TNRC6B: variants seen among roughly 807,000 people sequenced by gnomAD.
TNRC6B encodes the protein trinucleotide repeat containing adaptor 6B, also known as trinucleotide repeat-containing gene 6B protein.
In TNRC6B, 52 loss-of-function variants were observed where a neutral mutation model predicts 203.6. The ratio of observed to expected loss-of-function variants is 0.26; its 90% CI spans 0.20 to 0.32. The LOEUF (loss-of-function observed/expected upper bound fraction) is 0.32. Ranked by LOEUF, TNRC6B falls within the 10% of genes least tolerant of loss-of-function variation. TNRC6B has a pLI of 1.00. For missense variants in TNRC6B, 1,923 were observed against 2,286.2 expected, an observed-to-expected ratio of 0.84 and a Z score of 3.24; for synonymous variants, 838 against 845.7, an observed-to-expected ratio of 0.99 and a Z score of 0.16.
chr22:40,096,384 G>T lies in TNRC6B; in HGVS notation c.-120-20671G>T, dbSNP rs554239964. On this transcript the variant is annotated intron_variant, in intron 1 of 23. Transcript: ENST00000301923. ...CCACATAGCGTTACCTCTTTTAGAA[G>T]CATCTACATTTCCTGCAGAGATAGG... Among the ~76,000 whole-genome samples, 5 of 152,318 alleles carry T rather than the reference G, an allele frequency of 3.3e-5. No individual in the cohort carries two copies. The South Asian group carries it at 1.0e-3, about 32-fold the overall frequency.
chr22:40,308,292 C>A (rs181786290), intron 15 of TNRC6B, among the ~76,000 whole-genome samples: 1 of 152,292 alleles, frequency 6.6e-6, no homozygotes, highest in Non-Finnish European at 1.5e-5. Flanking sequence ...CAGACCTGAT[C>A]GATGGCAGTC....
chr22:40,241,843 A>G (rs1250777109), intron 1 of TNRC6B, among the ~76,000 whole-genome samples: 1 of 152,072 alleles, frequency 6.6e-6, no homozygotes, highest in African/African-American at 2.4e-5. Context: ...GTGTTTTCCT[A>G]TTTTATACAA....
intron 1 of TNRC6B, among the ~76,000 whole-genome samples, chr22:40,097,534 C>T (rs1475592481): frequency 1.3e-5 from 2 of 151,962 alleles, no homozygotes; most frequent in African/African-American, 2.4e-5. Flanking sequence ...GTCTTGAACT[C>T]CTGGACTCAA....
intron 1 of TNRC6B, among the ~76,000 whole-genome samples, chr22:40,092,232 A>T (rs1055654416): frequency 8.6e-5 from 13 of 151,942 alleles, no homozygotes; most frequent in African/African-American, 3.1e-4. Flanking sequence ...GAGAAACCCC[A>T]TCTCTACTAA....
At position 40,177,978 on chromosome 22, in the gene TNRC6B, G is replaced by T; in HGVS notation, c.-158G>T. The T allele has an allele frequency of 6.7e-7, 1 of 1,484,316 alleles. No individual in the cohort carries two copies. The highest frequency in any genetic ancestry group is 8.9e-7 in the Non-Finnish European group (1 of 1,125,016). 91.9% of individuals were successfully genotyped at this position (1,484,316 alleles called of 1,614,324 possible). On this transcript the variant is annotated 5_prime_UTR_variant, in exon 1 of 23. Transcript: ENST00000454349. ...AGGGAGAGTGTGTGAGAGAGAGTTA[G>T]TTCAAGCCAAAATGGCCGACAGAGT...
chr22:40,103,057 CAG>C (rs2068253296), intron 1 of TNRC6B, among the ~76,000 whole-genome samples: 1 of 151,280 alleles, frequency 6.6e-6, no homozygotes. Flanking sequence ...AGCCTGGGGA[CAG>C]AGTGAGAGTC....
At chr22:40,312,208 TTTCCCTGCC>T (rs889751692) in intron 17 of TNRC6B, among the ~76,000 whole-genome samples, 135 of 152,368 alleles carry the variant, frequency 8.9e-4, no homozygotes, top group African/African-American at 3.1e-3. Flanking sequence ...TTACTCCTGC[TTTCCCTGCC>T]TTCAGCCCTG....
chr22:40,322,988 A>G lies in TNRC6B; in HGVS notation c.5249A>G (p.Glu1750Gly), dbSNP rs758270428. The change falls in exon 23 of 23, where the codon GAG becomes GGG. Residue 1750 changes from glutamate (E) to glycine (G), a missense_variant. Glu to Gly is a moderately conservative substitution (Grantham distance 98). Around this residue, in one of 8 missense-constraint regions of TNRC6B, gnomAD observed 126 missense variants for 137.5 expected, o/e 0.92. Coordinates refer to ENST00000454349, the MANE Select transcript of TNRC6B (RefSeq NM_001162501.2). ...CCAGCTGCGGGGTGGCAGTCGCTGGAGACCGGCCAGAACCAGTCAGATCCC... is the reference window on the plus strand; with the variant it reads ...CCAGCTGCGGGGTGGCAGTCGCTGGGGACCGGCCAGAACCAGTCAGATCCC... ...SAPAAGWQSL[E>G]TGQNQSDPVG... 5 of 1,610,234 alleles carry G rather than the reference A, an allele frequency of 3.1e-6. No homozygotes were observed. In the African/African-American group the frequency reaches 5.3e-5, roughly 17 times the overall value.
At chr22:40,153,558 AAAC>A (rs974967850) in intron 3 of TNRC6B, among the ~76,000 whole-genome samples, 24 of 151,708 alleles carry the variant, frequency 1.6e-4, no homozygotes, top group Admixed American at 3.9e-4. Flanking sequence ...AGAAAAAAAA[AAAC>A]AAAAAGAATA....
chr22:40,232,338 G>T (rs1461720849), intron 1 of TNRC6B, among the ~76,000 whole-genome samples: 2 of 152,212 alleles, frequency 1.3e-5, no homozygotes, highest in Admixed American at 1.3e-4. Context: ...GTGGTAAGGG[G>T]ATAGAAAACC....
At chr22:40,283,263 C>A in intron 11 of TNRC6B, among the ~76,000 whole-genome samples, 1 of 152,174 alleles carries the variant, frequency 6.6e-6, no homozygotes, top group East Asian at 1.9e-4. Flanking sequence ...TGGTCTCAAT[C>A]TCCTGACCTC....
chr22:40,222,545 C>A (rs1336401569), intron 1 of TNRC6B, among the ~76,000 whole-genome samples: 1 of 152,052 alleles, frequency 6.6e-6, no homozygotes, highest in Non-Finnish European at 1.5e-5. Context: ...CAGTCTTGAC[C>A]ACTCGTTTGA....
chr22:40,204,726 G>A (rs1319214878), intron 1 of TNRC6B, among the ~76,000 whole-genome samples: 1 of 152,196 alleles, frequency 6.6e-6, no homozygotes, highest in Non-Finnish European at 1.5e-5. Flanking sequence ...GCTGCCTGCG[G>A]CTACTAAGAA....
intron 3 of TNRC6B, among the ~76,000 whole-genome samples, chr22:40,152,312 A>T (rs1010915424): frequency 9.1e-4 from 139 of 152,184 alleles, no homozygotes; most frequent in African/African-American, 3.3e-3. Flanking sequence ...AAGTTTACTG[A>T]CTTCAACGTT....
chr22:40,054,153 TTG>T (rs2067773406), intron 1 of TNRC6B, among the ~76,000 whole-genome samples: 1 of 152,092 alleles, frequency 6.6e-6, no homozygotes, highest in African/African-American at 2.4e-5. Flanking sequence ...GAGGCAGAGG[TTG>T]CAGTCAGCCG....
intron 1 of TNRC6B, among the ~76,000 whole-genome samples, chr22:40,234,310 G>T (rs1301692563): frequency 2.6e-5 from 4 of 151,870 alleles, no homozygotes; most frequent in African/African-American, 7.3e-5. Flanking sequence ...CTTCACTAAG[G>T]TTATACTGTA....
intron 4 of TNRC6B, among the ~76,000 whole-genome samples, chr22:40,157,833 C>G (rs1428955466): frequency 1.3e-5 from 2 of 152,172 alleles, no homozygotes; most frequent in Non-Finnish European, 2.9e-5. Context: ...ATGTTTTACT[C>G]TGTCATTTCC....
intron 4 of TNRC6B, among the ~76,000 whole-genome samples, chr22:40,171,772 A>C (rs1044856723): frequency 2.0e-5 from 3 of 152,096 alleles, no homozygotes; most frequent in African/African-American, 7.2e-5. Flanking sequence ...CTACCTCTTG[A>C]GATTCATTTC....
At chr22:40,175,662 A>T (rs2069049267), upstream of TNRC6B, among the ~76,000 whole-genome samples, 1 of 152,222 alleles carries the variant, frequency 6.6e-6, no homozygotes, top group South Asian at 2.1e-4. Context: ...TCTGGAAGGT[A>T]TTGGAAGGAT....
Sources: gnomAD v4.1 joint callset for allele counts (sites outside exome capture counted in the v4.1 genomes callset) on GRCh38, gnomAD v4.1.1 for gene constraint, gnomAD v4.1.1 regional missense constraint, MANE v1.5 for transcripts, NCBI Gene and HGNC (gene_info 2026-07-23, HGNC 2026-07-21) for gene names.